LIPC: variants seen among roughly 807,000 people sequenced by gnomAD.
LIPC encodes the protein hepatic triacylglycerol lipase.
LIPC carries 44 observed loss-of-function variants against 50.7 expected under a neutral mutation model. That is an observed-to-expected ratio of 0.87 (90% confidence interval 0.68 to 1.11). LIPC has a LOEUF of 1.11. Among genes scored for constraint, LIPC ranks in the 50% most tolerant of loss-of-function variants. The pLI is 0.00. For missense variants in LIPC, 697 were observed against 648.2 expected (o/e 1.08, Z -0.82); for synonymous variants, 271 against 256.4 (o/e 1.06, Z -0.54).
At chr15:58,480,087 C>T (rs1305980794) in intron 1 of LIPC, among the ~76,000 whole-genome samples, 1 of 152,166 alleles carries the variant, frequency 6.6e-6, no homozygotes, top group Non-Finnish European at 1.5e-5. Context: ...TTAATGGTTG[C>T]TTAAAAATTA....
At chr15:58,453,007 T>C (rs1362044696) in intron 1 of LIPC, among the ~76,000 whole-genome samples, 1 of 152,226 alleles carries the variant, frequency 6.6e-6, no homozygotes, top group African/African-American at 2.4e-5. Flanking sequence ...GTGGCCCCTT[T>C]TGGCTTCTCC....
intron 1 of LIPC, among the ~76,000 whole-genome samples, chr15:58,512,763 G>T (rs1322533399): frequency 6.6e-6 from 1 of 152,138 alleles, no homozygotes; most frequent in African/African-American, 2.4e-5. Context: ...CTGGAACGAG[G>T]TAGGAGGCGG....
chr15:58,535,039 C>T (rs2140898982), intron 1 of LIPC, among the ~76,000 whole-genome samples: 1 of 152,326 alleles, frequency 6.6e-6, no homozygotes, highest in Non-Finnish European at 1.5e-5. Context: ...TTTTTATAGG[C>T]ACCAGAGCCC....
At chr15:58,555,934 G>A (rs939014169) in intron 6 of LIPC, among the ~76,000 whole-genome samples, 1 of 152,118 alleles carries the variant, frequency 6.6e-6, no homozygotes, top group Non-Finnish European at 1.5e-5. Context: ...CCCTCCAGTG[G>A]TCACACCCAA....
intron 1 of LIPC, among the ~76,000 whole-genome samples, chr15:58,470,158 A>G (rs1264463715): frequency 6.6e-6 from 1 of 152,106 alleles, no homozygotes; most frequent in Admixed American, 6.5e-5. Context: ...TCTCAAATTC[A>G]TGGCCTCAAA....
chr15:58,515,844 A>T (rs1892468183), intron 1 of LIPC, among the ~76,000 whole-genome samples: 1 of 152,218 alleles, frequency 6.6e-6, no homozygotes. Context: ...AGCTGGGGAC[A>T]GATAGAGGAA....
chr15:58,473,924 C>T (rs1228579528), intron 1 of LIPC: 1 of 152,394 alleles, frequency 6.6e-6, no homozygotes, highest in East Asian at 1.9e-4. Flanking sequence ...GTTTTGCATT[C>T]CTTATCTTGT....
At chr15:58,440,640 T>C (rs1207530473) in intron 1 of LIPC, among the ~76,000 whole-genome samples, 1 of 152,044 alleles carries the variant, frequency 6.6e-6, no homozygotes, top group African/African-American at 2.4e-5. Context: ...AGGTTGGAGA[T>C]TGGGAGAGGC....
At chr15:58,497,312 G>A (rs1891807949) in intron 1 of LIPC, among the ~76,000 whole-genome samples, 1 of 152,170 alleles carries the variant, frequency 6.6e-6, no homozygotes, top group African/African-American at 2.4e-5. Flanking sequence ...CCCGTGGTGG[G>A]ACAATCTGTC....
At position 58,535,447 on chromosome 15, in the gene LIPC, C is replaced by T. The variant is rs529458993; in HGVS notation, c.89-2886C>T. On this transcript the variant is annotated intron_variant, in intron 1 of 8. Coordinates refer to ENST00000299022, the MANE Select transcript of LIPC (RefSeq NM_000236.3). ...CCGGGAAGGGAGAAAAGAGAGGGCC[C>T]TGTTCAGTCCAGTTGTTTGTGGGGC... is the stretch of plus-strand genomic sequence containing the variant. Among the ~76,000 whole-genome samples, 15 of 152,370 alleles carry T rather than the reference C, an allele frequency of 9.8e-5. No individual in the cohort carries two copies. In the East Asian group the frequency reaches 2.5e-3, roughly 25 times the overall value.
intron 1 of LIPC, among the ~76,000 whole-genome samples, chr15:58,452,298 T>C (rs986273664): frequency 1.2e-4 from 18 of 152,204 alleles, no homozygotes; most frequent in Non-Finnish European, 4.4e-5. Flanking sequence ...CTCTGGGTGA[T>C]TCTGAAACAG....
chr15:58,449,189 C>G (rs1368710534), intron 1 of LIPC, among the ~76,000 whole-genome samples: 2 of 152,210 alleles, frequency 1.3e-5, no homozygotes, highest in African/African-American at 4.8e-5. Context: ...ACCCCACGCT[C>G]AGCTGCTCCA....
At chr15:58,468,619 G>A (rs568597112) in intron 1 of LIPC, among the ~76,000 whole-genome samples, 1 of 152,248 alleles carries the variant, frequency 6.6e-6, no homozygotes, top group African/African-American at 2.4e-5. Flanking sequence ...CAGGGGATTT[G>A]TGATTAATAC....
chr15:58,440,593 G>T (rs1388540306), intron 1 of LIPC, among the ~76,000 whole-genome samples: 2 of 152,210 alleles, frequency 1.3e-5, no homozygotes, highest in East Asian at 3.8e-4. Flanking sequence ...CTGTGCCAGG[G>T]TCTCTAGCCC....
At chr15:58,434,465 C>G (rs1893224595) in intron 1 of LIPC, among the ~76,000 whole-genome samples, 1 of 152,140 alleles carries the variant, frequency 6.6e-6, no homozygotes, top group South Asian at 2.1e-4. Context: ...AGTGCCTTGC[C>G]GGCGGTCGCA....
intron 4 of LIPC, among the ~76,000 whole-genome samples, 161 bp from the exon 5 acceptor site, chr15:58,545,581 T>C (rs1247999154): frequency 6.6e-6 from 1 of 152,252 alleles, no homozygotes; most frequent in East Asian, 1.9e-4. Flanking sequence ...GTGGTTTTAC[T>C]GAGAAAAGGT....
At chr15:58,444,633 T>C (rs1292593377) in intron 1 of LIPC, among the ~76,000 whole-genome samples, 1 of 152,214 alleles carries the variant, frequency 6.6e-6, no homozygotes, top group African/African-American at 2.4e-5. Context: ...TCTATGTTTC[T>C]GTGTCCGATC....
At chr15:58,458,268 A>C (rs1354396415) in intron 1 of LIPC, among the ~76,000 whole-genome samples, 1 of 152,160 alleles carries the variant, frequency 6.6e-6, no homozygotes, top group South Asian at 2.1e-4. Context: ...CTAAATGTGA[A>C]GTTCACAGAC....
intron 1 of LIPC, among the ~76,000 whole-genome samples, chr15:58,526,529 G>A (rs1892803865): frequency 6.6e-6 from 1 of 152,210 alleles, no homozygotes; most frequent in Non-Finnish European, 1.5e-5. Context: ...GAAGATGGGA[G>A]GCTGAAATCC....
Sources: allele counts gnomAD v4.1 joint callset (sites outside exome capture counted in the v4.1 genomes callset), GRCh38; gene constraint gnomAD v4.1.1; transcripts MANE v1.5; gene names NCBI Gene and HGNC (gene_info 2026-07-23, HGNC 2026-07-21).